The following RAB28 variants were observed in gnomAD, a reference collection of about 807,000 sequenced individuals.
The protein encoded by RAB28 is ras-related protein Rab-28.
A neutral mutation model predicts 31.7 loss-of-function variants in RAB28; 24 were observed. The observed-to-expected ratio is 0.76, with a 90% CI of 0.55 to 1.06. The LOEUF is 1.06. Ranked by LOEUF, RAB28 falls within the 50% of genes least tolerant of loss-of-function variation. RAB28 has a pLI of 0.00. For synonymous variants in RAB28, 100 were observed against 90.4 expected (o/e 1.11, Z -0.60); for missense variants, 254 against 258.5 (o/e 0.98, Z 0.12).
intron 4 of RAB28, among the ~76,000 whole-genome samples, chr4:13,423,758 G>T (rs1713311159): frequency 6.6e-6 from 1 of 152,052 alleles, no homozygotes; most frequent in Non-Finnish European, 1.5e-5. Context: ...ACAAGTAAGT[G>T]TTCACTGTAA....
intron 4 of RAB28, among the ~76,000 whole-genome samples, chr4:13,420,009 G>T (rs966040943): frequency 2.0e-5 from 3 of 151,766 alleles, no homozygotes; most frequent in African/African-American, 7.3e-5. Context: ...TAGACCGTTA[G>T]CAAGACTAAT....
chr4:13,382,030 C>G (rs1729154234), intron 4 of RAB28, among the ~76,000 whole-genome samples: 1 of 152,180 alleles, frequency 6.6e-6, no homozygotes, highest in Non-Finnish European at 1.5e-5. Context: ...ATAATTAGCT[C>G]TGTAATCTCT....
intron 2 of RAB28, among the ~76,000 whole-genome samples, chr4:13,476,942 A>C (rs1405071305): frequency 6.6e-6 from 1 of 151,492 alleles, no homozygotes; most frequent in Non-Finnish European, 1.5e-5. Context: ...AGCCACCAAG[A>C]GGGTTCAACA....
intron 4 of RAB28, 65 bp downstream of exon 4, chr4:13,460,634 C>T (rs1409358481): frequency 1.1e-5 from 17 of 1,593,910 alleles, no homozygotes; most frequent in Admixed American, 3.4e-5. Flanking sequence ...GGTGGGGGGA[C>T]ACAAACATTC....
At chr4:13,481,437 A>T (rs1716600278) in intron 1 of RAB28, among the ~76,000 whole-genome samples, 1 of 152,058 alleles carries the variant, frequency 6.6e-6, no homozygotes, top group South Asian at 2.1e-4. Flanking sequence ...TTCTCAAGTC[A>T]CTGTATAAAT....
intron 4 of RAB28, among the ~76,000 whole-genome samples, chr4:13,386,027 A>C (rs1190936253): frequency 6.6e-6 from 1 of 152,190 alleles, no homozygotes; most frequent in Non-Finnish European, 1.5e-5. Flanking sequence ...AATTATATCA[A>C]ACAAAAACCT....
intron 4 of RAB28, 115 bp from the exon 5 acceptor site, chr4:13,381,709 G>T: frequency 1.5e-6 from 1 of 683,160 alleles, no homozygotes; most frequent in Non-Finnish European, 2.5e-6. Flanking sequence ...GACATCAGCT[G>T]TGCAACCTTG....
Position 13,368,301 on chromosome 4 carries a change from C to A in RAB28, c.*257G>T. ...GGACATACAAAGAAACAACATCATT[C>A]TTTTGCAATGAAGCAGTCTAATTCC... On this transcript the variant is annotated 3_prime_UTR_variant, in exon 7 of 7. Transcript: ENST00000330852. 8.9e-7 allele frequency: 1 copy of A among 1,117,928 alleles called. No individual in the cohort carries two copies. The highest frequency in any genetic ancestry group is 1.1e-6 in the Non-Finnish European group (1 of 915,814). The allele number at this position is 1,117,928 out of a possible 1,614,324, so 69.3% of individuals were successfully genotyped here. A position where few individuals can be genotyped will look rare whatever the true frequency, so the allele number is the denominator to read the frequency against.
chr4:13,452,796 A>G (rs1362630558), intron 4 of RAB28, among the ~76,000 whole-genome samples: 1 of 152,196 alleles, frequency 6.6e-6, no homozygotes, highest in South Asian at 2.1e-4. Context: ...AGTTTGGTCT[A>G]TCATGCAGTT....
At chr4:13,408,619 G>A (rs570097727) in intron 4 of RAB28, among the ~76,000 whole-genome samples, 20 of 151,894 alleles carry the variant, frequency 1.3e-4, no homozygotes, top group Non-Finnish European at 1.9e-4. Context: ...AAAAAAAAGC[G>A]GGCTAAAATC....
Position 13,368,587 on chromosome 4 carries a change from G to A in RAB28, c.637C>T (p.Pro213Ser). ...TGAACTGCACACATAGAGCTTCTAG[G>A]AGGGTTAACAGTCCTTGACATAGGT... ...QEPMSRTVNP[P>S]RSSMCAVQ The change falls in exon 7 of 7, where the codon CCT becomes TCT. Residue 213 changes from proline to serine, a missense_variant. Physicochemically the swap from Pro to Ser is moderately conservative, Grantham distance 74. Coordinates refer to ENST00000330852, the MANE Select transcript of RAB28 (RefSeq NM_001017979.3). 3 of 1,612,330 alleles carry A rather than the reference G, an allele frequency of 1.9e-6. No homozygotes were observed. Among genetic ancestry groups the A allele is most frequent in the Non-Finnish European group, 1.7e-6 (2 of 1,179,050 alleles).
intron 4 of RAB28, among the ~76,000 whole-genome samples, chr4:13,388,344 C>G (rs1729473855): frequency 6.6e-6 from 1 of 151,994 alleles, no homozygotes; most frequent in African/African-American, 2.4e-5. Context: ...GGACCTTTAT[C>G]TTACACCACA....
At chr4:13,468,904 C>T (rs1715992643) in intron 3 of RAB28, among the ~76,000 whole-genome samples, 1 of 151,478 alleles carries the variant, frequency 6.6e-6, no homozygotes, top group African/African-American at 2.4e-5. Context: ...ACTACCGATC[C>T]CATAGACATT....
chr4:13,447,590 A>G (rs1714764157), intron 4 of RAB28, among the ~76,000 whole-genome samples: 1 of 152,212 alleles, frequency 6.6e-6, no homozygotes, highest in Non-Finnish European at 1.5e-5. Flanking sequence ...CTTAAATTCT[A>G]ACTTCAGGAA....
intron 4 of RAB28, among the ~76,000 whole-genome samples, chr4:13,398,203 T>A (rs1711539430): frequency 6.6e-6 from 1 of 152,146 alleles, no homozygotes; most frequent in African/African-American, 2.4e-5. Context: ...TTGTAAAAAA[T>A]TTGTGCATAT....
At chr4:13,409,355 C>G (rs1712291984) in intron 4 of RAB28, among the ~76,000 whole-genome samples, 1 of 152,170 alleles carries the variant, frequency 6.6e-6, no homozygotes, top group Non-Finnish European at 1.5e-5. Context: ...CATCATAATA[C>G]ATTATATGTC....
In RAB28 at chr4:13,380,907, G is replaced by A. The variant is rs1303090476; in HGVS notation, c.495+584C>T. Among the ~76,000 whole-genome samples the A allele has an allele frequency of 2.6e-5, 4 of 151,520 alleles. No individual in the cohort carries two copies. The South Asian group carries it at 8.4e-4, about 32-fold the overall frequency. On this transcript the variant is annotated intron_variant, in intron 5 of 6. Transcript: ENST00000330852. Reference sequence around the variant, plus strand: ...TTCAATCTATTATTAAATGACATGGGAACAATAAAAATATTAAGTAAAAAG... The same window carrying A: ...TTCAATCTATTATTAAATGACATGGAAACAATAAAAATATTAAGTAAAAAG...
At chr4:13,381,469 C>G in intron 5 of RAB28, 22 bp downstream of exon 5, 2 of 1,489,456 alleles carry the variant, frequency 1.3e-6, no homozygotes, top group Non-Finnish European at 1.9e-6. Context: ...ACATCACATA[C>G]AGTATTCATT....
intron 4 of RAB28, among the ~76,000 whole-genome samples, chr4:13,393,353 C>T (rs1729731134): frequency 6.6e-6 from 1 of 152,138 alleles, no homozygotes; most frequent in South Asian, 2.1e-4. Context: ...ACCTGGCTTC[C>T]AAGAGCTAGT....
Sources: gnomAD v4.1 joint callset for allele counts (sites outside exome capture counted in the v4.1 genomes callset) on GRCh38, gnomAD v4.1.1 for gene constraint, MANE v1.5 for transcripts, NCBI Gene and HGNC (gene_info 2026-07-23, HGNC 2026-07-21) for gene names.